The following GRM6 variants were observed in gnomAD, a reference collection of about 807,000 sequenced individuals.
The protein encoded by GRM6 is metabotropic glutamate receptor 6.
GRM6 carries 73 observed loss-of-function variants against 78.4 expected under a neutral mutation model. The ratio of observed to expected loss-of-function variants is 0.93; its 90% CI spans 0.77 to 1.13. The LOEUF (loss-of-function observed/expected upper bound fraction) is 1.13, where lower values mean the gene tolerates loss of function less well. GRM6 is among the 50% of genes most tolerant of loss of function. The probability of loss-of-function intolerance (pLI) is 0.00; values close to 1 mark genes in which losing one functional copy is unlikely to be tolerated. For missense variants in GRM6, 1,251 were observed against 1,256.4 expected (o/e 1.00, Z 0.07); for synonymous variants, 580 against 555.0 (o/e 1.05, Z -0.63).
chr5:178,990,838 T>C (rs1324765050), intron 4 of GRM6, 92 bp from the exon 5 acceptor site: 6 of 1,039,332 alleles, frequency 5.8e-6, no homozygotes, highest in Non-Finnish European at 8.4e-6. Flanking sequence ...TCCCCTGCTC[T>C]ATAATCACTC....
chr5:178,985,591 T>C (rs6880010), intron 9 of GRM6: 338,876 of 347,766 alleles, frequency 0.97, 165,195 homozygotes, highest in South Asian at 0.99. Context: ...TAGTCCCAGC[T>C]ACTCGGGAGG....
intron 9 of GRM6, chr5:178,985,815 G>A (rs771908263): frequency 1.9e-6 from 1 of 523,854 alleles, no homozygotes; most frequent in Non-Finnish European, 3.5e-6. Flanking sequence ...AAGCTGGATT[G>A]TAGTGGTGCG....
At position 178,991,566 on chromosome 5, in the gene GRM6, G is replaced by A. The variant is rs201778316; in HGVS notation, c.722-7C>T. On this transcript the variant is annotated splice_polypyrimidine_tract_variant and splice_region_variant and intron_variant, in intron 3 of 10. Transcript: ENST00000517717. This position sits in a 1 kb window ranked among gnomAD's most constrained non-coding sequence, Gnocchi z 5.0. Reference sequence around the variant, plus strand: ...TGGGCAATACAGACCCCCCCTGGGCGTTGGGGGTGCCAGAGTCAGCTTCCG... The same window carrying A: ...TGGGCAATACAGACCCCCCCTGGGCATTGGGGGTGCCAGAGTCAGCTTCCG... 47 of 1,613,782 alleles carry A rather than the reference G, an allele frequency of 2.9e-5. No homozygotes were observed. The highest frequency in any genetic ancestry group is 1.5e-4 in the African/African-American group (11 of 75,020).
chr5:178,986,059 G>T, intron 9 of GRM6, 71 bp downstream of exon 9: 1 of 1,410,914 alleles, frequency 7.1e-7, no homozygotes, highest in Non-Finnish European at 9.7e-7. Flanking sequence ...ACTGTGCCTG[G>T]CCCTTTTGGC....
chr5:178,985,327 A>G (rs536810679), intron 9 of GRM6: 24 of 453,442 alleles, frequency 5.3e-5, no homozygotes, highest in South Asian at 3.6e-4. Context: ...GTTTTCCTTC[A>G]AGGACCCAGC....
At chr5:178,982,113 G>C (rs1490710717) in intron 10 of GRM6, among the ~76,000 whole-genome samples, 2 of 152,186 alleles carry the variant, frequency 1.3e-5, no homozygotes, top group Non-Finnish European at 2.9e-5. Flanking sequence ...GGGAGCCGGG[G>C]CATGTCAGTG....
At position 178,988,815 on chromosome 5, in the gene GRM6, C is replaced by A; in HGVS notation, c.1354+120G>T. On this transcript the variant is annotated intron_variant, in intron 7 of 10. Transcript: ENST00000517717. The surrounding 1 kb of genome is among the most constrained non-coding windows in gnomAD (Gnocchi z 6.0). ...TGTCTTTGGCACTCAGCCCCAGGCA[C>A]CCCCATTAGACCACTCAGCCTCACC... The A allele has an allele frequency of 1.2e-5, 9 of 768,056 alleles. No individual in the cohort carries two copies. Among genetic ancestry groups the A allele is most frequent in the Non-Finnish European group, 2.0e-5 (9 of 451,562 alleles). The allele number at this position is 768,056 out of a possible 1,614,324, so 47.6% of individuals were successfully genotyped here. A position where few individuals can be genotyped will look rare whatever the true frequency, so the allele number is the denominator to read the frequency against.
chr5:178,993,214 T>C (rs1213277960), intron 2 of GRM6, among the ~76,000 whole-genome samples: 3 of 152,126 alleles, frequency 2.0e-5, no homozygotes, highest in African/African-American at 7.2e-5. Context: ...ACAACCTCAA[T>C]CTGGGCTGAG....
rs1760608882 is a variant in GRM6 at position 178,988,566 on chromosome 5, G to A, written c.1354+369C>T. 1.3e-5 allele frequency among the ~76,000 whole-genome samples: 2 copies of A among 152,258 alleles called. No individual in the cohort carries two copies. The highest frequency in any genetic ancestry group is 1.3e-4 in the Admixed American group (2 of 15,294). Reference sequence around the variant, plus strand: ...ACTCAGAGTGGGCGGCATGTCCCTGGGTAGGCGCCCCACGCAGTCTTAACT... The same window carrying A: ...ACTCAGAGTGGGCGGCATGTCCCTGAGTAGGCGCCCCACGCAGTCTTAACT... On this transcript the variant is annotated intron_variant, in intron 7 of 10. Transcript: ENST00000517717. The surrounding 1 kb of genome is among the most constrained non-coding windows in gnomAD (Gnocchi z 6.0).
intron 7 of GRM6, chr5:178,987,486 A>C (rs1760590978): frequency 2.2e-6 from 1 of 456,262 alleles, no homozygotes; most frequent in South Asian, 1.5e-5. Context: ...CTTCAAAAGG[A>C]AGGCAGTTCT....
intron 9 of GRM6, among the ~76,000 whole-genome samples, chr5:178,983,834 G>A (rs1166326791): frequency 1.3e-5 from 2 of 152,308 alleles, no homozygotes; most frequent in East Asian, 3.9e-4. Flanking sequence ...TGGGGAACAG[G>A]AACGAAGCCA....
In GRM6 at chr5:178,991,914, T is replaced by C; in HGVS notation, c.674A>G (p.Tyr225Cys). 9.3e-6 allele frequency: 15 copies of C among 1,614,036 alleles called. No individual in the cohort carries two copies. Among genetic ancestry groups the C allele is most frequent in the Non-Finnish European group, 1.3e-5 (15 of 1,180,004 alleles). Reference protein sequence around the residue: ...YVSTLASEGNYGESGVEAFVQ... With the variant: ...YVSTLASEGNCGESGVEAFVQ... The stretch of plus-strand genomic sequence containing the variant: ...GAAGGCCTCAACCCCACTTTCGCCA[T>C]AGTTGCCCTCGGAGGCCAGCGTGGA... The change falls in exon 3 of 11, where the codon TAT becomes TGT. Residue 225 changes from tyrosine to cysteine, a missense_variant. By Grantham distance (194) the Tyr-to-Cys change is radical. Transcript: ENST00000517717. The surrounding 1 kb of genome is among the most constrained non-coding windows in gnomAD (Gnocchi z 5.0).
In GRM6 at chr5:178,994,736, T is replaced by C. The variant is rs1285586859; in HGVS notation, c.209A>G (p.Glu70Gly). The change falls in exon 2 of 11, where the codon GAG (glutamate) becomes GGG (glycine). Residue 70 changes from glutamate (E) to glycine (G), a missense_variant. Coordinates refer to ENST00000517717, the MANE Select transcript of GRM6 (RefSeq NM_000843.4). Reference protein sequence around the residue: ...LKKEQGVHRLEAMLYALDRVN... With the variant: ...LKKEQGVHRLGAMLYALDRVN... ...GCGGTCCAGCGCGTACAGCATGGCC[T>C]CCAGCCGGTGCACGCCCTGCTCCTT... 1.4e-6 allele frequency: 2 copies of C among 1,458,080 alleles called. No individual in the cohort carries two copies. The highest frequency in any genetic ancestry group is 2.3e-5 in the Admixed American group (1 of 43,810). The allele number at this position is 1,458,080 out of a possible 1,614,324, so 90.3% of individuals were successfully genotyped here. A position where few individuals can be genotyped will look rare whatever the true frequency, so the allele number is the denominator to read the frequency against.
intron 9 of GRM6, among the ~76,000 whole-genome samples, chr5:178,983,926 G>T (rs1488587468): frequency 6.6e-6 from 1 of 152,214 alleles, no homozygotes; most frequent in Non-Finnish European, 1.5e-5. Context: ...CTGATTGGGG[G>T]CAGGGGTGGA....
chr5:178,983,503 T>C (rs1248124089), intron 9 of GRM6: 2 of 635,586 alleles, frequency 3.1e-6, no homozygotes, highest in East Asian at 3.2e-5. Flanking sequence ...GCAGTGTGCA[T>C]AAGGGGCAGC....
rs140976926 is a variant in GRM6 at position 178,985,697 on chromosome 5, T to C, written c.2124+433A>G. The C allele has an allele frequency of 4.3e-3, 1,510 of 351,592 alleles. 13 individuals carry two copies. The highest frequency in any genetic ancestry group is 0.02 in the East Asian group (249 of 12,264). The allele number at this position is 351,592 out of a possible 1,614,324, so 21.8% of individuals were successfully genotyped here. ...CAGCCTGGGCGACACAGCGAGACTC[T>C]GTCTAAAAAAAAAAAAACAAAACAA... On this transcript the variant is annotated intron_variant, in intron 9 of 10. Transcript: ENST00000517717.
rs778072582 is a variant in GRM6, at chr5:178,986,390, C to A, written c.1864G>T (p.Glu622Ter). 1.2e-6 allele frequency: 2 copies of A among 1,613,966 alleles called. No homozygotes were observed. Among genetic ancestry groups the A allele is most frequent in the Admixed American group, 3.3e-5 (2 of 60,028 alleles). Residue 622 changes from glutamate to a stop codon, truncating the protein, a stop_gained, in exon 9 of 11, where the codon GAG becomes TAG. Transcript: ENST00000517717. LOFTEE classifies it high-confidence loss of function. ...CCGGTGAGGAGGACGTAGCTGAGCT[C>A]TCGGCCCGAGGCCCGGACGATGGGC... is the stretch of plus-strand genomic sequence containing the variant. ...NTPIVRASGR[E>*]LSYVLLTGIF...
At position 178,986,508 on chromosome 5, in the gene GRM6, G is replaced by C; in HGVS notation, c.1746C>G (p.Ser582=). Residue 582 remains serine (S), a synonymous_variant, in exon 9 of 11, where the codon TCC becomes TCG. Transcript: ENST00000517717. ...GGAGCGGCGGGGCTGCCCAGGGGGAGGACCAGCTCAGGCGCACCACAGGTG... is the reference window on the plus strand; with the variant it reads ...GGAGCGGCGGGGCTGCCCAGGGGGACGACCAGCTCAGGCGCACCACAGGTG... ...RPTPVVRLSW[S]SPWAAPPLLL... is the part of the protein sequence containing the mutation. 2 of 1,609,304 alleles carry C rather than the reference G, an allele frequency of 1.2e-6. No individual in the cohort carries two copies. Among genetic ancestry groups the C allele is most frequent in the Non-Finnish European group, 1.7e-6 (2 of 1,178,786 alleles).
intron 9 of GRM6, among the ~76,000 whole-genome samples, chr5:178,984,570 C>G (rs1258893544): frequency 6.6e-6 from 1 of 152,064 alleles, no homozygotes; most frequent in Non-Finnish European, 1.5e-5. Flanking sequence ...GGGAGGAGAG[C>G]TGGGGGTCCC....
Sources: allele counts gnomAD v4.1 joint callset (sites outside exome capture counted in the v4.1 genomes callset), GRCh38; gene constraint gnomAD v4.1.1; non-coding constraint Gnocchi (gnomAD v3.1); transcripts MANE v1.5; gene names NCBI Gene and HGNC (gene_info 2026-07-23, HGNC 2026-07-21).